SLC1A6: variants seen among roughly 807,000 people sequenced by gnomAD.
SLC1A6 encodes the protein solute carrier family 1 member 6, also known as excitatory amino acid transporter 4.
In SLC1A6, 15 loss-of-function variants were observed where a neutral mutation model predicts 42.1. The observed-to-expected ratio is 0.36, with a 90% CI of 0.24 to 0.55. The LOEUF (loss-of-function observed/expected upper bound fraction) is 0.55. Ranked by LOEUF, SLC1A6 falls within the 20% of genes least tolerant of loss-of-function variation. The probability of loss-of-function intolerance (pLI) is 0.88; values close to 1 mark genes in which losing one functional copy is unlikely to be tolerated. For synonymous variants in SLC1A6, 317 were observed against 319.7 expected (o/e 0.99, Z 0.09); for missense variants, 542 against 772.5 (o/e 0.70, Z 3.54).
Position 14,954,301 on chromosome 19 carries a change from A to T in SLC1A6, c.1198T>A (p.Cys400Ser), listed in dbSNP as rs1010917837. ...TCCACACCCAGGCCCTCCTCCAGGCAGCGGAAGGTGATGGGCAGCGTTGCC... is the reference window on the plus strand; with the variant it reads ...TCCACACCCAGGCCCTCCTCCAGGCTGCGGAAGGTGATGGGCAGCGTTGCC... ...SSATLPITFR[C>S]LEEGLGVDRR... The change falls in exon 8 of 10, where the codon TGC (cysteine) becomes AGC (serine). Residue 400 changes from cysteine (C) to serine (S), a missense_variant. Physicochemically the swap from Cys to Ser is moderately radical, Grantham distance 112 (BLOSUM62 -1). Transcript: ENST00000594383. 11 of 1,611,266 alleles carry T rather than the reference A, an allele frequency of 6.8e-6. No individual in the cohort carries two copies. The highest frequency in any genetic ancestry group is 8.5e-6 in the Non-Finnish European group (10 of 1,179,988).
chr19:15,001,329 G>C (rs997422903), intron 1 of SLC1A6, among the ~76,000 whole-genome samples: 1 of 152,208 alleles, frequency 6.6e-6, no homozygotes, highest in African/African-American at 2.4e-5. Context: ...CTCAAACCGA[G>C]TGGTCAGAGA....
Position 14,954,221 on chromosome 19 carries a change from G to A in SLC1A6, c.1278C>T (p.Gly426=). ...CAGCCAGGGCCTCGTAGAGGGCAGT[G>A]CCATCCATGTTGACCGTGGCGCCCA... is the stretch of plus-strand genomic sequence containing the variant. ...LPVGATVNMD[G]TALYEALAAI... The change falls in exon 8 of 10, where the codon GGC becomes GGT. Residue 426 remains glycine (G), a synonymous_variant. Transcript: ENST00000594383. The A allele has an allele frequency of 6.2e-7, 1 of 1,614,200 alleles. No homozygotes were observed. Among genetic ancestry groups the A allele is most frequent in the Non-Finnish European group, 8.5e-7 (1 of 1,180,030 alleles).
At chr19:14,971,426 C>T (rs1332330879) in intron 3 of SLC1A6, among the ~76,000 whole-genome samples, 3 of 152,130 alleles carry the variant, frequency 2.0e-5, no homozygotes, top group Non-Finnish European at 4.4e-5. Flanking sequence ...AGCCACCCTC[C>T]CTGGTTGCCC....
Position 14,965,195 on chromosome 19 carries a change from A to G in SLC1A6, c.549-834T>C, listed in dbSNP as rs562833020. Among the ~76,000 whole-genome samples the G allele has an allele frequency of 1.1e-4, 17 of 151,852 alleles. No homozygotes were observed. In the East Asian group the frequency reaches 3.3e-3, roughly 29 times the overall value. On this transcript the variant is annotated intron_variant, in intron 4 of 9. Transcript: ENST00000594383. ...CCACCACGCCTGGCTAATTTTTTGT[A>G]TTTTTAGTAGAGACAGGGTTTCACC... is the stretch of plus-strand genomic sequence containing the variant.
intron 1 of SLC1A6, among the ~76,000 whole-genome samples, chr19:15,004,022 G>A (rs534935111): frequency 1.3e-5 from 2 of 152,054 alleles, no homozygotes; most frequent in Admixed American, 6.5e-5. Context: ...TGGGCGTGGT[G>A]GTGGGCCCCT....
intron 3 of SLC1A6, among the ~76,000 whole-genome samples, chr19:14,969,617 G>T (rs980913651): frequency 6.6e-6 from 1 of 152,188 alleles, no homozygotes; most frequent in Non-Finnish European, 1.5e-5. Flanking sequence ...TCTCTTGAGA[G>T]CTATCCCGCA....
chr19:14,991,839 T>TC (rs1286391431), intron 1 of SLC1A6, among the ~76,000 whole-genome samples: 1 of 116,048 alleles, frequency 8.6e-6, no homozygotes, highest in Non-Finnish European at 1.8e-5. Flanking sequence ...TCTGCTTTTT[T>TC]CTTTTTTTTT....
At chr19:14,981,563 C>T (rs1162998229), upstream of SLC1A6, among the ~76,000 whole-genome samples, 1 of 152,238 alleles carries the variant, frequency 6.6e-6, no homozygotes, top group Non-Finnish European at 1.5e-5. Flanking sequence ...TGCCCCTGAA[C>T]TCCTGCCTCT....
chr19:15,001,545 G>A (rs926878356), intron 1 of SLC1A6, among the ~76,000 whole-genome samples: 6 of 152,124 alleles, frequency 3.9e-5, no homozygotes, highest in Non-Finnish European at 7.4e-5. Flanking sequence ...GGTGGGATGG[G>A]GCCAGATGGT....
At chr19:14,965,627 A>G (rs2045565339) in intron 4 of SLC1A6, among the ~76,000 whole-genome samples, 1 of 152,184 alleles carries the variant, frequency 6.6e-6, no homozygotes, top group Non-Finnish European at 1.5e-5. Flanking sequence ...AGATGAGTGG[A>G]TCACTCGAGG....
Position 15,010,195 on chromosome 19 carries a change from AAAG to A in SLC1A6, c.6+287_6+289del, listed in dbSNP as rs1193734346. On this transcript the variant is annotated intron_variant, in intron 1 of 8. Transcript: ENST00000430939. ...TGCAAGACTCTATGAAAAAAAAAAA[AAAG>A]AAAGAAAGAAAAAAGAAAGAGAGAG... Among the ~76,000 whole-genome samples the A allele has an allele frequency of 9.4e-3, 938 of 100,206 alleles. 13 individuals carry two copies. Among genetic ancestry groups the A allele is most frequent in the African/African-American group, 0.032 (841 of 25,924 alleles). The allele number at this position is 100,206 out of a possible 152,430, so 65.7% of individuals were successfully genotyped here.
chr19:14,979,482 C>A lies in SLC1A6; in HGVS notation c.-181G>T, dbSNP rs1274706716. On this transcript the variant is annotated 5_prime_UTR_variant, in exon 1 of 10. Coordinates refer to ENST00000594383, the MANE Select transcript of SLC1A6 (RefSeq NM_005071.3). The surrounding 1 kb of genome is among the most constrained non-coding windows in gnomAD (Gnocchi z 4.2). Reference sequence around the variant, plus strand: ...CCTCCGCGCCGCAGCCACACCGAGTCCCCGCGCCGAGCCGCGGAGTCCCCA... The same window carrying A: ...CCTCCGCGCCGCAGCCACACCGAGTACCCGCGCCGAGCCGCGGAGTCCCCA... The A allele has an allele frequency of 6.6e-6, 1 of 151,828 alleles. No individual in the cohort carries two copies. Among genetic ancestry groups the A allele is most frequent in the Non-Finnish European group, 1.5e-5 (1 of 67,936 alleles). 9.4% of individuals were successfully genotyped at this position (151,828 alleles called of 1,614,324 possible).
intron 4 of SLC1A6, 80 bp downstream of exon 4, chr19:14,968,223 C>G: frequency 1.7e-6 from 2 of 1,200,542 alleles, no homozygotes; most frequent in South Asian, 2.9e-5. Context: ...GGGATGACCT[C>G]TTTGCAGGCT....
At chr19:14,972,433 A>C (rs2045651497) in intron 2 of SLC1A6, among the ~76,000 whole-genome samples, 1 of 105,880 alleles carries the variant, frequency 9.4e-6, no homozygotes, top group South Asian at 3.7e-4. Flanking sequence ...GTGCATAGTA[A>C]AGTGTTTGTA....
chr19:14,988,901 C>T (rs759635814), intron 1 of SLC1A6, among the ~76,000 whole-genome samples: 41 of 152,092 alleles, frequency 2.7e-4, no homozygotes, highest in Non-Finnish European at 4.9e-4. Flanking sequence ...CACCTGTAGT[C>T]CTAGCTACTC....
At chr19:14,972,059 C>T (rs1034592125) in intron 2 of SLC1A6, among the ~76,000 whole-genome samples, 185 bp from the exon 3 acceptor site, 5 of 151,026 alleles carry the variant, frequency 3.3e-5, no homozygotes, top group African/African-American at 1.2e-4. Context: ...GTATGGGTTA[C>T]CATATTGATA....
intron 1 of SLC1A6, among the ~76,000 whole-genome samples, chr19:14,992,186 A>G (rs1364923467): frequency 6.6e-6 from 1 of 152,158 alleles, no homozygotes; most frequent in Non-Finnish European, 1.5e-5. Context: ...TCTATCTTGA[A>G]CATTCTGCTA....
In SLC1A6 at chr19:14,973,034, G is replaced by T. The variant is rs1007598935; in HGVS notation, c.-7-117C>A. On this transcript the variant is annotated intron_variant, in intron 1 of 9. Coordinates refer to ENST00000594383, the MANE Select transcript of SLC1A6 (RefSeq NM_005071.3). ...TTCCTGAGGACTCTCAGAAGGCGGG[G>T]GTGGCTGGGTGTTTTGGCTCACGCC... The T allele has an allele frequency of 7.8e-6, 6 of 772,796 alleles. No homozygotes were observed. The Admixed American group carries it at 1.8e-4, about 23-fold the overall frequency. 47.9% of individuals were successfully genotyped at this position (772,796 alleles called of 1,614,324 possible). A position where few individuals can be genotyped will look rare whatever the true frequency, so the allele number is the denominator to read the frequency against.
chr19:14,977,101 AT>A, intron 1 of SLC1A6: 1 of 151,534 alleles, frequency 6.6e-6, no homozygotes, highest in South Asian at 2.1e-4. Flanking sequence ...TCCCTCTGGG[AT>A]ATTATGTTTC....
Sources: allele counts gnomAD v4.1 joint callset (sites outside exome capture counted in the v4.1 genomes callset), GRCh38; gene constraint gnomAD v4.1.1; non-coding constraint Gnocchi (gnomAD v3.1); transcripts MANE v1.5; gene names NCBI Gene and HGNC (gene_info 2026-07-23, HGNC 2026-07-21).